The following TOPAZ1 variants were observed in gnomAD, a reference collection of about 807,000 sequenced individuals.
The protein encoded by TOPAZ1 is testis and ovary specific TOPAZ 1.
A neutral mutation model predicts 172.2 loss-of-function variants in TOPAZ1; 66 were observed. The ratio of observed to expected loss-of-function variants is 0.38; its 90% CI spans 0.31 to 0.47. TOPAZ1 has a LOEUF of 0.47. Ranked by LOEUF, TOPAZ1 falls within the 20% of genes least tolerant of loss-of-function variation. The pLI is 0.99. For missense variants in TOPAZ1, 1,822 were observed against 1,972.4 expected (o/e 0.92, Z 1.44); for synonymous variants, 681 against 683.9 (o/e 1.00, Z 0.07).
At chr3:44,302,623 C>T (rs1054970248) in intron 12 of TOPAZ1, among the ~76,000 whole-genome samples, 1 of 151,980 alleles carries the variant, frequency 6.6e-6, no homozygotes, top group Non-Finnish European at 1.5e-5. Context: ...AGGGATAATT[C>T]TTTTTCATAG....
intron 9 of TOPAZ1, among the ~76,000 whole-genome samples, chr3:44,284,206 C>T (rs1700054347): frequency 6.6e-6 from 1 of 152,152 alleles, no homozygotes; most frequent in African/African-American, 2.4e-5. Context: ...TAACCATCAC[C>T]ATTATCCATT....
chr3:44,330,786 C>G (rs1189810239), intron 19 of TOPAZ1, among the ~76,000 whole-genome samples: 1 of 152,158 alleles, frequency 6.6e-6, no homozygotes, highest in Non-Finnish European at 1.5e-5. Context: ...TAAATAGTTC[C>G]CATTCCCTAC....
At chr3:44,326,276 G>A (rs961030762) in intron 18 of TOPAZ1, among the ~76,000 whole-genome samples, 4 of 152,176 alleles carry the variant, frequency 2.6e-5, no homozygotes, top group African/African-American at 9.7e-5. Flanking sequence ...CACCAGCCGT[G>A]TACGGGATTT....
chr3:44,300,815 T>C (rs1700263810), intron 12 of TOPAZ1, among the ~76,000 whole-genome samples: 1 of 150,564 alleles, frequency 6.6e-6, no homozygotes, highest in African/African-American at 2.5e-5. Context: ...TACACGTAAA[T>C]GTTCTTAGCA....
intron 8 of TOPAZ1, among the ~76,000 whole-genome samples, chr3:44,274,153 T>C (rs1458419641): frequency 6.7e-6 from 1 of 149,862 alleles, no homozygotes; most frequent in East Asian, 2.0e-4. Context: ...CTGAGGCCTG[T>C]AATCCCAGCA....
intron 12 of TOPAZ1, among the ~76,000 whole-genome samples, chr3:44,295,074 G>A (rs1020713690): frequency 3.3e-5 from 5 of 151,892 alleles, no homozygotes; most frequent in African/African-American, 1.2e-4. Context: ...ATTCCTGTGG[G>A]GATTACTTGA....
In TOPAZ1 at chr3:44,321,184, T is replaced by C; in HGVS notation, c.4464T>C (p.Asn1488=). 4 of 1,540,012 alleles carry C rather than the reference T, an allele frequency of 2.6e-6. No individual in the cohort carries two copies. The highest frequency in any genetic ancestry group is 3.5e-6 in the Non-Finnish European group (4 of 1,143,440). ...EVLQNLPGFQ[N]SQETVEVSQY... ...TGCAGAATCTACCAGGTTTTCAAAA[T>C]TCCCAAGGTATGTTTTTTAAAAGTC... The change falls in exon 17 of 20, where the codon AAT becomes AAC. Residue 1488 remains asparagine (N), a synonymous_variant. Transcript: ENST00000309765.
chr3:44,321,139 TAGAC>T lies in TOPAZ1; in HGVS notation c.4425_4428del (p.Gln1475HisfsTer31). 6.5e-7 allele frequency: 1 copy of T among 1,549,488 alleles called. No individual in the cohort carries two copies. The highest frequency in any genetic ancestry group is 8.7e-7 in the Non-Finnish European group (1 of 1,146,318). On this transcript the variant is annotated frameshift_variant, in exon 17 of 20. Transcript: ENST00000309765. LOFTEE classifies it high-confidence loss of function. ...ATGAAATCTTAGCCAAGAGCCTTTA[TAGAC>T]AGACATTTGAAGTTTTGCAGAATCT...
chr3:44,267,371 G>C lies in TOPAZ1; in HGVS notation c.3160+235G>C, dbSNP rs542515400. Among the ~76,000 whole-genome samples, 604 of 143,136 alleles carry C rather than the reference G, an allele frequency of 4.2e-3. 9 individuals carry two copies. The highest frequency in any genetic ancestry group is 0.015 in the African/African-American group (578 of 38,248). The allele number at this position is 143,136 out of a possible 152,430, so 93.9% of individuals were successfully genotyped here. On this transcript the variant is annotated intron_variant, in intron 6 of 19. Transcript: ENST00000309765. ...TGCAGTGGCACGATCTCAGTGCACT[G>C]CAACCTGCACCTTCCCAGGTTCAAG...
Position 44,256,074 on chromosome 3 carries a change from A to G in TOPAZ1, c.2828-77A>G, listed in dbSNP as rs868285858. 6.0e-6 allele frequency: 7 copies of G among 1,173,104 alleles called. No homozygotes were observed. In the Middle Eastern group the frequency reaches 1.8e-3, roughly 306 times the overall value. 72.7% of individuals were successfully genotyped at this position (1,173,104 alleles called of 1,614,324 possible). ...TAAAAGAGCCTCTGAATTCTGAGTCATTTTTTAGAACAGCCTTTGAATAAC... is the reference window on the plus strand; with the variant it reads ...TAAAAGAGCCTCTGAATTCTGAGTCGTTTTTTAGAACAGCCTTTGAATAAC... On this transcript the variant is annotated intron_variant, in intron 3 of 19. Coordinates refer to ENST00000309765, the MANE Select transcript of TOPAZ1 (RefSeq NM_001145030.2).
rs113455647 is a variant in TOPAZ1, at chr3:44,315,343, A to T, written c.4306+5353A>T. The stretch of plus-strand genomic sequence containing the variant: ...TAATATTTAAGAAAAATCATTTCAG[A>T]AAAAACGTGTTGTCTTCATTTTCTT... On this transcript the variant is annotated intron_variant, in intron 16 of 19. Coordinates refer to ENST00000309765, the MANE Select transcript of TOPAZ1 (RefSeq NM_001145030.2). Among the ~76,000 whole-genome samples, 467 of 152,138 alleles carry T rather than the reference A, an allele frequency of 3.1e-3. 2 individuals are homozygous for T. Among genetic ancestry groups the T allele is most frequent in the African/African-American group, 0.011 (440 of 41,494 alleles).
Position 44,254,457 on chromosome 3 carries a change from G to A in TOPAZ1, c.2766-511G>A, listed in dbSNP as rs560335135. Among the ~76,000 whole-genome samples the A allele has an allele frequency of 6.6e-5, 10 of 151,946 alleles. No individual in the cohort carries two copies. The East Asian group carries it at 1.4e-3, about 21-fold the overall frequency. On this transcript the variant is annotated intron_variant, in intron 2 of 19. Transcript: ENST00000309765. The stretch of plus-strand genomic sequence containing the variant: ...AGCCTGACCAACATGGCAAAACCCC[G>A]TCTCTACTAAAAATACAAAATTAGC...
At chr3:44,242,652 T>C (rs1473848797) in intron 1 of TOPAZ1, among the ~76,000 whole-genome samples, 2 of 152,244 alleles carry the variant, frequency 1.3e-5, no homozygotes, top group Non-Finnish European at 2.9e-5. Flanking sequence ...ATAAGGGTTA[T>C]TCAGTTGCCT....
chr3:44,334,176 GA>G (rs1700700494), downstream of TOPAZ1, among the ~76,000 whole-genome samples: 1 of 152,130 alleles, frequency 6.6e-6, no homozygotes, highest in African/African-American at 2.4e-5. Flanking sequence ...CTCAGGTAAG[GA>G]GTTTTGCCTG....
chr3:44,325,216 A>T (rs555588981), intron 18 of TOPAZ1, among the ~76,000 whole-genome samples: 18 of 152,316 alleles, frequency 1.2e-4, no homozygotes, highest in Admixed American at 4.6e-4. Context: ...TTTCAATGGT[A>T]TATAATCGTG....
intron 8 of TOPAZ1, among the ~76,000 whole-genome samples, chr3:44,277,352 G>A (rs1010046198): frequency 1.3e-5 from 2 of 152,078 alleles, no homozygotes; most frequent in Non-Finnish European, 2.9e-5. Context: ...TTTGTATCCT[G>A]CAACTTTACT....
intron 2 of TOPAZ1, among the ~76,000 whole-genome samples, chr3:44,246,317 C>T (rs1699566359): frequency 1.3e-5 from 2 of 152,056 alleles, no homozygotes; most frequent in Admixed American, 6.6e-5. Context: ...ATTCCTGAAG[C>T]CGTTATTTAT....
At chr3:44,256,466 T>C (rs572915403) in intron 4 of TOPAZ1, among the ~76,000 whole-genome samples, 188 bp downstream of exon 4, 12 of 152,194 alleles carry the variant, frequency 7.9e-5, no homozygotes, top group Non-Finnish European at 1.3e-4. Flanking sequence ...AGATCTTCCT[T>C]GCCTGGGAAA....
intron 2 of TOPAZ1, among the ~76,000 whole-genome samples, chr3:44,245,870 C>T (rs1699559404): frequency 6.6e-6 from 1 of 152,146 alleles, no homozygotes. Context: ...ATGGAGATTG[C>T]TTCTTTCAAA....
Sources: gnomAD v4.1 joint callset for allele counts (sites outside exome capture counted in the v4.1 genomes callset) on GRCh38, gnomAD v4.1.1 for gene constraint, MANE v1.5 for transcripts, NCBI Gene and HGNC (gene_info 2026-07-23, HGNC 2026-07-21) for gene names.